Variants in CNTN6 observed in about 807,000 individuals in gnomAD.
CNTN6 encodes the protein contactin 6, also known as contactin-6.
CNTN6 carries 137 observed loss-of-function variants against 122.8 expected under a neutral mutation model. The ratio of observed to expected loss-of-function variants is 1.12; its 90% CI spans 0.97 to 1.29. The LOEUF is 1.29. CNTN6 is among the 50% of genes most tolerant of loss of function. CNTN6 has a pLI of 0.00. For missense variants in CNTN6, 1,634 were observed against 1,223.4 expected (o/e 1.34, Z -5.01); for synonymous variants, 570 against 426.0 (o/e 1.34, Z -4.16).
chr3:1,203,756 T>G (rs1032525188), intron 2 of CNTN6, among the ~76,000 whole-genome samples: 2 of 152,226 alleles, frequency 1.3e-5, no homozygotes, highest in African/African-American at 4.8e-5. Flanking sequence ...TCCAGATTTT[T>G]TTTAGAGTAT....
intron 1 of CNTN6, among the ~76,000 whole-genome samples, chr3:1,125,258 G>A (rs1452728913): frequency 6.6e-6 from 1 of 151,832 alleles, no homozygotes; most frequent in Non-Finnish European, 1.5e-5. Flanking sequence ...ATTCTCAAAT[G>A]TTTGATTCAG....
intron 14 of CNTN6, among the ~76,000 whole-genome samples, chr3:1,373,310 T>G (rs550776518): frequency 6.6e-6 from 1 of 152,252 alleles, no homozygotes; most frequent in Non-Finnish European, 1.5e-5. Context: ...CTGCAATTAC[T>G]TGAGTTAGAT....
In CNTN6 at chr3:1,244,076, G is replaced by A. The variant is rs553799840; in HGVS notation, c.358+16083G>A. ...TTAGGTCTTGTAGGATGGAGAAATC[G>A]AACGTGCCGTTTTCTGGCCATTTAG... On this transcript the variant is annotated intron_variant, in intron 4 of 22. Coordinates refer to ENST00000446702, the MANE Select transcript of CNTN6 (RefSeq NM_001289080.2). Among the ~76,000 whole-genome samples the A allele has an allele frequency of 5.3e-5, 8 of 152,274 alleles. No homozygotes were observed. The East Asian group carries it at 1.2e-3, about 22-fold the overall frequency.
intron 2 of CNTN6, among the ~76,000 whole-genome samples, chr3:1,180,104 C>G (rs891554324): frequency 2.0e-5 from 3 of 151,886 alleles, no homozygotes; most frequent in African/African-American, 7.3e-5. Flanking sequence ...CTTTTTTATT[C>G]CAGCTTTGTT....
rs139212985 is a variant in CNTN6 at position 1,261,948 on chromosome 3, G to T, written c.359-16465G>T. Among the ~76,000 whole-genome samples the T allele has an allele frequency of 2.8e-3, 433 of 152,212 alleles. 1 individual carries two copies. The highest frequency in any genetic ancestry group is 9.5e-3 in the African/African-American group (394 of 41,554). On this transcript the variant is annotated intron_variant, in intron 4 of 22. Coordinates refer to ENST00000446702, the MANE Select transcript of CNTN6 (RefSeq NM_001289080.2). ...AGTATTTCTATGAGTAAATAGGTTAGTTTTTAGTTGTTCTTGGTAAATTAC... is the reference window on the plus strand; with the variant it reads ...AGTATTTCTATGAGTAAATAGGTTATTTTTTAGTTGTTCTTGGTAAATTAC...
At chr3:1,129,996 A>T (rs1003579093) in intron 1 of CNTN6, among the ~76,000 whole-genome samples, 1 of 152,094 alleles carries the variant, frequency 6.6e-6, no homozygotes, top group African/African-American at 2.4e-5. Flanking sequence ...GTTGAGTTTA[A>T]GAAGTAGTTT....
chr3:1,243,393 A>C (rs1190810948), intron 4 of CNTN6, among the ~76,000 whole-genome samples: 3 of 152,188 alleles, frequency 2.0e-5, no homozygotes, highest in Non-Finnish European at 4.4e-5. Context: ...AGGAATTGCA[A>C]CTTTTTTCTA....
At chr3:1,333,897 T>A (rs265767) in intron 11 of CNTN6, among the ~76,000 whole-genome samples, 84,704 of 152,032 alleles carry the variant, frequency 0.56, 25,493 homozygotes, top group African/African-American at 0.77. Context: ...GATAATGGAG[T>A]ACACGCTCAG....
At chr3:1,371,987 A>C (rs747346257) in intron 12 of CNTN6, among the ~76,000 whole-genome samples, 1 of 152,190 alleles carries the variant, frequency 6.6e-6, no homozygotes, top group Non-Finnish European at 1.5e-5. Flanking sequence ...AAAATGTTAG[A>C]ATAAAATATA....
chr3:1,403,086 G>C (rs961973982), intron 22 of CNTN6, among the ~76,000 whole-genome samples: 1 of 152,142 alleles, frequency 6.6e-6, no homozygotes, highest in Non-Finnish European at 1.5e-5. Context: ...CCTTTAGGCA[G>C]ACTTTGCCAA....
chr3:1,196,660 A>C (rs1287752724), intron 2 of CNTN6, among the ~76,000 whole-genome samples: 2 of 152,224 alleles, frequency 1.3e-5, no homozygotes, highest in Non-Finnish European at 2.9e-5. Flanking sequence ...AAAAACAATG[A>C]CAGCAAAAAC....
In CNTN6 at chr3:1,233,628, G is replaced by A. The variant is rs139616774; in HGVS notation, c.358+5635G>A. 5.6e-3 allele frequency among the ~76,000 whole-genome samples: 846 copies of A among 150,904 alleles called. 4 individuals are homozygous for A. The highest frequency in any genetic ancestry group is 9.8e-3 in the Non-Finnish European group (667 of 67,758). ...TGTGCACCTGTAATCCCAGCTACTC[G>A]GGAGGCTGAGGCAGGAGAATCGCGT... On this transcript the variant is annotated intron_variant, in intron 4 of 22. Transcript: ENST00000446702.
chr3:1,288,580 C>T (rs946960676), intron 5 of CNTN6, among the ~76,000 whole-genome samples: 6 of 152,178 alleles, frequency 3.9e-5, no homozygotes, highest in African/African-American at 1.4e-4. Context: ...CACTATACTT[C>T]AAGTTCTTTA....
At chr3:1,354,909 A>G (rs1037247754) in intron 12 of CNTN6, among the ~76,000 whole-genome samples, 3 of 151,286 alleles carry the variant, frequency 2.0e-5, no homozygotes, top group African/African-American at 4.8e-5. Flanking sequence ...CGATCACCTC[A>G]CTCTCCTAAG....
intron 4 of CNTN6, among the ~76,000 whole-genome samples, chr3:1,251,063 A>G (rs1220445694): frequency 6.6e-6 from 1 of 152,078 alleles, no homozygotes; most frequent in African/African-American, 2.4e-5. Context: ...CTATTAGCTC[A>G]CTGTCATTCT....
At chr3:1,357,059 C>A (rs758154678) in intron 12 of CNTN6, among the ~76,000 whole-genome samples, 8 of 151,668 alleles carry the variant, frequency 5.3e-5, no homozygotes, top group African/African-American at 1.9e-4. Flanking sequence ...ATTAAATTAC[C>A]ACATATGACA....
intron 2 of CNTN6, among the ~76,000 whole-genome samples, chr3:1,182,978 A>C (rs2093579005): frequency 6.6e-6 from 1 of 152,144 alleles, no homozygotes; most frequent in Non-Finnish European, 1.5e-5. Context: ...TTATTGTTTA[A>C]AAAAATTTAA....
intron 7 of CNTN6, among the ~76,000 whole-genome samples, chr3:1,308,287 T>TTTTGTGTG (rs144593016): frequency 4.1e-5 from 6 of 144,826 alleles, no homozygotes; most frequent in African/African-American, 1.5e-4. Flanking sequence ...ATGGGGTGTT[T>TTTTGTGTG]TGTGTGTGTG....
chr3:1,393,147 G>A (rs1354378048), intron 20 of CNTN6, among the ~76,000 whole-genome samples: 2 of 74,582 alleles, frequency 2.7e-5, no homozygotes, highest in African/African-American at 4.6e-5. Flanking sequence ...GCAAAGACTT[G>A]GAACCAACCC....
Sources: gnomAD v4.1 joint callset for allele counts (sites outside exome capture counted in the v4.1 genomes callset) on GRCh38, gnomAD v4.1.1 for gene constraint, MANE v1.5 for transcripts, NCBI Gene and HGNC (gene_info 2026-07-23, HGNC 2026-07-21) for gene names.